CDYL: variants seen among roughly 807,000 people sequenced by gnomAD.
The protein encoded by CDYL is chromodomain Y like.
Under a neutral mutation model 47.3 loss-of-function variants are expected in CDYL, and 8 were observed. That is an observed-to-expected ratio of 0.17 (90% CI 0.10 to 0.31). CDYL has a LOEUF of 0.31. Ranked by LOEUF, CDYL falls within the 10% of genes least tolerant of loss-of-function variation. CDYL has a pLI of 1.00. For synonymous variants in CDYL, 266 were observed against 265.0 expected (o/e 1.00, Z -0.04); for missense variants, 471 against 701.4 (o/e 0.67, Z 3.71).
At chr6:4,903,340 A>G (rs60609172) in intron 2 of CDYL, among the ~76,000 whole-genome samples, 12,788 of 152,258 alleles carry the variant, frequency 0.084, 1,302 homozygotes, top group African/African-American at 0.24. Context: ...CTTGAGAGTA[A>G]GAACCAAGAC....
intron 1 of CDYL, among the ~76,000 whole-genome samples, chr6:4,868,423 G>A (rs1761381898): frequency 6.6e-6 from 1 of 151,416 alleles, no homozygotes; most frequent in Non-Finnish European, 1.5e-5. Flanking sequence ...CAAAATTGTT[G>A]ATTTCTAATT....
chr6:4,917,940 G>A (rs1757603048), intron 2 of CDYL, among the ~76,000 whole-genome samples: 1 of 152,192 alleles, frequency 6.6e-6, no homozygotes, highest in East Asian at 1.9e-4. Flanking sequence ...TATAGGTTGT[G>A]AGCTAATTTT....
chr6:4,812,468 C>A (rs1759557114), intron 1 of CDYL, among the ~76,000 whole-genome samples: 1 of 152,206 alleles, frequency 6.6e-6, no homozygotes, highest in Non-Finnish European at 1.5e-5. Flanking sequence ...CTTAAACATC[C>A]TGCTAAATTG....
At chr6:4,789,424 G>A (rs374902348) in intron 1 of CDYL, among the ~76,000 whole-genome samples, 6 of 152,074 alleles carry the variant, frequency 3.9e-5, no homozygotes, top group Admixed American at 1.3e-4. Context: ...CTCTGGGCAC[G>A]GTGGGCCCTC....
chr6:4,859,695 G>A (rs773174891), intron 1 of CDYL, among the ~76,000 whole-genome samples: 12 of 152,060 alleles, frequency 7.9e-5, no homozygotes, highest in African/African-American at 2.2e-4. Flanking sequence ...GAGATACCCC[G>A]TTTACAGAAT....
chr6:4,836,263 T>C, intron 1 of CDYL: 1 of 984,662 alleles, frequency 1.0e-6, no homozygotes, highest in South Asian at 4.7e-5. Flanking sequence ...CCACAAATGC[T>C]ACCCAAAACT....
At chr6:4,727,647 T>A (rs1464952634) in intron 2 of CDYL, among the ~76,000 whole-genome samples, 2 of 145,784 alleles carry the variant, frequency 1.4e-5, no homozygotes, top group African/African-American at 2.6e-5. Flanking sequence ...TATTTGATGC[T>A]GTGTTTAGCA....
At chr6:4,737,190 A>G (rs943401186) in intron 3 of CDYL, among the ~76,000 whole-genome samples, 3 of 152,332 alleles carry the variant, frequency 2.0e-5, no homozygotes, top group African/African-American at 7.2e-5. Context: ...AAGTTTTCCT[A>G]AAGGAAACCA....
At chr6:4,912,810 A>G (rs1757450949) in intron 2 of CDYL, among the ~76,000 whole-genome samples, 1 of 150,900 alleles carries the variant, frequency 6.6e-6, no homozygotes, top group South Asian at 2.1e-4. Context: ...AGCTCAGCTC[A>G]CTCTCCCCCT....
chr6:4,927,780 A>G (rs902631039), intron 2 of CDYL, among the ~76,000 whole-genome samples: 5 of 152,208 alleles, frequency 3.3e-5, no homozygotes, highest in African/African-American at 9.7e-5. Context: ...TAATGATAAT[A>G]CTAGCTTTTC....
chr6:4,913,156 G>T (rs1174431695), intron 2 of CDYL, among the ~76,000 whole-genome samples: 6 of 152,180 alleles, frequency 3.9e-5, no homozygotes, highest in Non-Finnish European at 7.3e-5. Flanking sequence ...ACTTGGCAGA[G>T]ACCTTATTGT....
chr6:4,812,742 G>A (rs1759564626), intron 1 of CDYL, among the ~76,000 whole-genome samples: 1 of 151,854 alleles, frequency 6.6e-6, no homozygotes, highest in Non-Finnish European at 1.5e-5. Flanking sequence ...CATGGCTGAA[G>A]ATTGTATTGA....
intron 3 of CDYL, among the ~76,000 whole-genome samples, chr6:4,770,095 C>T (rs1758316708): frequency 1.3e-5 from 2 of 152,020 alleles, no homozygotes; most frequent in South Asian, 4.1e-4. Flanking sequence ...CCTTGGCCTT[C>T]CAAAGTGCTG....
At chr6:4,911,322 T>G (rs1757408473) in intron 2 of CDYL, among the ~76,000 whole-genome samples, 1 of 152,240 alleles carries the variant, frequency 6.6e-6, no homozygotes, top group Non-Finnish European at 1.5e-5. Context: ...TTCAGCTGTC[T>G]GGTGGCATGT....
intron 3 of CDYL, among the ~76,000 whole-genome samples, chr6:4,766,742 C>A (rs1015586139): frequency 6.6e-6 from 1 of 152,098 alleles, no homozygotes; most frequent in Non-Finnish European, 1.5e-5. Flanking sequence ...CAGTGGCTCA[C>A]ACCTGTAATC....
chr6:4,794,097 T>C (rs995744339), intron 1 of CDYL, among the ~76,000 whole-genome samples: 11 of 152,092 alleles, frequency 7.2e-5, no homozygotes, highest in Middle Eastern at 3.2e-3. Context: ...CTTAGAGCCA[T>C]GAGTGCATTT....
chr6:4,952,190 G>A (rs902776232), intron 5 of CDYL, 76 bp from the exon 6 acceptor site: 11 of 1,516,034 alleles, frequency 7.3e-6, no homozygotes, highest in African/African-American at 4.1e-5. Flanking sequence ...TCCCTTCGGT[G>A]TGGATTTTAA....
At chr6:4,819,156 CTCTCTCTG>C (rs1275410819) in intron 1 of CDYL, among the ~76,000 whole-genome samples, 371 of 131,072 alleles carry the variant, frequency 2.8e-3, no homozygotes, top group African/African-American at 0.013. Context: ...CTCTCTCTCT[CTCTCTCTG>C]TGTGTGTGTG....
chr6:4,711,746 A>T (rs1198177923), intron 1 of CDYL, among the ~76,000 whole-genome samples: 1 of 152,098 alleles, frequency 6.6e-6, no homozygotes, highest in Non-Finnish European at 1.5e-5. Flanking sequence ...AGGCTACAGG[A>T]GGGCAGACCA....
Sources: gnomAD v4.1 joint callset for allele counts (sites outside exome capture counted in the v4.1 genomes callset) on GRCh38, gnomAD v4.1.1 for gene constraint, MANE v1.5 for transcripts, NCBI Gene and HGNC (gene_info 2026-07-23, HGNC 2026-07-21) for gene names.